Variants in MMP20 observed in about 807,000 individuals in gnomAD.
MMP20 encodes matrix metallopeptidase 20, also known as matrix metalloproteinase-20.
Under a neutral mutation model 51.8 loss-of-function variants are expected in MMP20, and 50 were observed. The ratio of observed to expected loss-of-function variants is 0.97; its 90% CI spans 0.77 to 1.22. The LOEUF (loss-of-function observed/expected upper bound fraction) is 1.22, where lower values mean the gene tolerates loss of function less well. Ranked by LOEUF, MMP20 falls within the 50% of genes most tolerant of loss-of-function variation. The pLI is 0.00. For missense variants in MMP20, 663 were observed against 601.4 expected (o/e 1.10, Z -1.07); for synonymous variants, 244 against 216.2 (o/e 1.13, Z -1.13).
At chr11:102,598,678 C>T (rs1859411231) in intron 6 of MMP20, among the ~76,000 whole-genome samples, 1 of 152,198 alleles carries the variant, frequency 6.6e-6, no homozygotes, top group South Asian at 2.1e-4. Flanking sequence ...TTTGCTAGTT[C>T]CTTGAATTCC....
At position 102,577,395 on chromosome 11, in the gene MMP20, T is replaced by G. The variant is rs145152907; in HGVS notation, c.1383A>C (p.Thr461=). The change falls in exon 10 of 10, where the codon ACA becomes ACC. Residue 461 remains threonine, a synonymous_variant. Coordinates refer to ENST00000260228, the MANE Select transcript of MMP20 (RefSeq NM_004771.4). ...GYIYFFSGPK[T]YKYDTEKEDV... is the part of the protein sequence containing the mutation. ...CTTCCTTCTCTGTGTCATACTTGTA[T>G]GTTTTTGGTCCTGAAAAGAAGTAAA... 1.2e-6 allele frequency: 2 copies of G among 1,613,946 alleles called. No individual in the cohort carries two copies. The highest frequency in any genetic ancestry group is 2.7e-5 in the African/African-American group (2 of 74,950).
chr11:102,605,839 C>T (rs926728615), intron 6 of MMP20, among the ~76,000 whole-genome samples: 1 of 152,168 alleles, frequency 6.6e-6, no homozygotes, highest in African/African-American at 2.4e-5. Context: ...TCTTTGCCTC[C>T]ATGGAAAGAA....
intron 9 of MMP20, among the ~76,000 whole-genome samples, chr11:102,578,659 C>G (rs562878056): frequency 1.3e-5 from 2 of 152,128 alleles, no homozygotes; most frequent in Non-Finnish European, 2.9e-5. Context: ...TCGCTCGAAT[C>G]TGGGAGGCAG....
Position 102,592,058 on chromosome 11 carries a change from T to C in MMP20, c.1247+1381A>G, listed in dbSNP as rs1859323602. On this transcript the variant is annotated intron_variant, in intron 8 of 9. Coordinates refer to ENST00000260228, the MANE Select transcript of MMP20 (RefSeq NM_004771.4). ...AAACGCCCTCATACTCCAACAGACGTGCTTACACATGCATCTCTTGATTTT... is the reference window on the plus strand; with the variant it reads ...AAACGCCCTCATACTCCAACAGACGCGCTTACACATGCATCTCTTGATTTT... Among the ~76,000 whole-genome samples the C allele has an allele frequency of 2.6e-5, 4 of 152,208 alleles. No individual in the cohort carries two copies. The South Asian group carries it at 8.3e-4, about 32-fold the overall frequency.
rs1269908952 is a variant in MMP20, at chr11:102,606,665, C to G, written c.823G>C (p.Val275Leu). 6.2e-7 allele frequency: 1 copy of G among 1,613,926 alleles called. No individual in the cohort carries two copies. Among genetic ancestry groups the G allele is most frequent in the Non-Finnish European group, 8.5e-7 (1 of 1,179,936 alleles). ...GGCAGAGTGGGCTTCCCCAGGAATA[C>G]TTTCCGAGGTCCTAGGATTCAAAAT... ...GIQALYGPRK[V>L]FLGKPTLPHA... Residue 275 changes from valine to leucine, a missense_variant, in exon 6 of 10, where the codon GTA (valine) becomes CTA (leucine). Coordinates refer to ENST00000260228, the MANE Select transcript of MMP20 (RefSeq NM_004771.4).
In MMP20 at chr11:102,616,963, GCTCCTTAAT is replaced by G; in HGVS notation, c.214_222del (p.Ile72_Glu74del). 1 of 1,614,192 alleles carries G rather than the reference GCTCCTTAAT, an allele frequency of 6.2e-7. No homozygotes were observed. Among genetic ancestry groups the G allele is most frequent in the South Asian group, 1.1e-5 (1 of 91,086 alleles). On this transcript the variant is annotated inframe_deletion, in exon 2 of 10. Coordinates refer to ENST00000260228, the MANE Select transcript of MMP20 (RefSeq NM_004771.4). ...ACTTGGAGGCCAAAGAACGCTTGTA[GCTCCTTAAT>G]CTTCCTTATCATGGAATTGCTTCCT... is the stretch of plus-strand genomic sequence containing the variant.
chr11:102,593,685 G>A lies in MMP20; in HGVS notation c.1091-90C>T. ...GATTTCTATGAAGGCTCTTAAATGGGGTTAGTTTATGGGATACTTGCCATG... is the reference window on the plus strand; with the variant it reads ...GATTTCTATGAAGGCTCTTAAATGGAGTTAGTTTATGGGATACTTGCCATG... On this transcript the variant is annotated intron_variant, in intron 7 of 9. Coordinates refer to ENST00000260228, the MANE Select transcript of MMP20 (RefSeq NM_004771.4). 2.1e-6 allele frequency: 3 copies of A among 1,426,960 alleles called. 1 individual carries two copies. The highest frequency in any genetic ancestry group is 2.3e-5 in the South Asian group (2 of 86,260). 88.4% of individuals were successfully genotyped at this position (1,426,960 alleles called of 1,614,324 possible).
intron 1 of MMP20, 83 bp downstream of exon 1, chr11:102,625,111 A>AT (rs1859804720): frequency 6.5e-7 from 1 of 1,547,612 alleles, no homozygotes; most frequent in Non-Finnish European, 8.9e-7. Flanking sequence ...GAACAATAGA[A>AT]TTTTTTTCTT....
chr11:102,585,634 A>G (rs1199216876), intron 8 of MMP20, among the ~76,000 whole-genome samples: 1 of 152,206 alleles, frequency 6.6e-6, no homozygotes, highest in Non-Finnish European at 1.5e-5. Context: ...GACCTCCAGT[A>G]CAATGTGAAT....
chr11:102,593,122 G>T (rs1300715591), intron 8 of MMP20, among the ~76,000 whole-genome samples: 2 of 152,182 alleles, frequency 1.3e-5, no homozygotes, highest in East Asian at 3.8e-4. Flanking sequence ...ATTCTCAGTG[G>T]GTAGTTAGGG....
At chr11:102,583,193 C>T (rs990250529) in intron 8 of MMP20, among the ~76,000 whole-genome samples, 2 of 152,128 alleles carry the variant, frequency 1.3e-5, no homozygotes, top group Admixed American at 1.3e-4. Flanking sequence ...AGGAAATGAC[C>T]CCCAACTAGT....
rs78340620 is a variant in MMP20, at chr11:102,587,075, T to C, written c.1247+6364A>G. Among the ~76,000 whole-genome samples the C allele has an allele frequency of 3.9e-3, 597 of 152,298 alleles. 17 individuals carry two copies. The East Asian group carries it at 0.065, about 17-fold the overall frequency. On this transcript the variant is annotated intron_variant, in intron 8 of 9. Transcript: ENST00000260228. Reference sequence around the variant, plus strand: ...TTGAGATTTTTCTCCTTTTTAAATATAGGCTTTTATAGCTATAATTTTTTT... The same window carrying C: ...TTGAGATTTTTCTCCTTTTTAAATACAGGCTTTTATAGCTATAATTTTTTT...
Position 102,577,487 on chromosome 11 carries a change from G to T in MMP20, c.1352-61C>A, listed in dbSNP as rs1226360446. ...ATGTCCAGCACATATATAAATGGAAGAATTTGTCACTGTCACTTTCTTAAA... is the reference window on the plus strand; with the variant it reads ...ATGTCCAGCACATATATAAATGGAATAATTTGTCACTGTCACTTTCTTAAA... On this transcript the variant is annotated intron_variant, in intron 9 of 9. Coordinates refer to ENST00000260228, the MANE Select transcript of MMP20 (RefSeq NM_004771.4). The T allele has an allele frequency of 1.6e-5, 19 of 1,167,162 alleles. No individual in the cohort carries two copies. The East Asian group carries it at 3.8e-4, about 23-fold the overall frequency. 72.3% of individuals were successfully genotyped at this position (1,167,162 alleles called of 1,614,324 possible).
rs1032180022 is a variant in MMP20, at chr11:102,610,112, A to G, written c.524-82T>C. ...GCGCATCATATTACAGAAAAGGGAC[A>G]TTTTGAGTAGCATTGACACTTAAAT... On this transcript the variant is annotated intron_variant, in intron 3 of 9. Coordinates refer to ENST00000260228, the MANE Select transcript of MMP20 (RefSeq NM_004771.4). 195 of 1,475,192 alleles carry G rather than the reference A, an allele frequency of 1.3e-4. 1 individual carries two copies. Among genetic ancestry groups the G allele is most frequent in the Non-Finnish European group, 1.7e-4 (178 of 1,067,668 alleles). The allele number at this position is 1,475,192 out of a possible 1,614,324, so 91.4% of individuals were successfully genotyped here.
chr11:102,579,205 C>T, intron 8 of MMP20, 63 bp from the exon 9 acceptor site: 2 of 1,139,476 alleles, frequency 1.8e-6, no homozygotes, highest in Admixed American at 1.8e-5. Flanking sequence ...GTAGATGACA[C>T]TATACTGGTC....
intron 8 of MMP20, among the ~76,000 whole-genome samples, chr11:102,590,154 G>A (rs1474510041): frequency 1.3e-5 from 2 of 152,160 alleles, no homozygotes; most frequent in African/African-American, 4.8e-5. Flanking sequence ...TGTAGCCACT[G>A]CTCTGCTACT....
At chr11:102,624,083 G>A (rs1483127467) in intron 1 of MMP20, among the ~76,000 whole-genome samples, 1 of 152,216 alleles carries the variant, frequency 6.6e-6, no homozygotes, top group Non-Finnish European at 1.5e-5. Flanking sequence ...GTATGGCCGG[G>A]GAACTGACCA....
intron 6 of MMP20, among the ~76,000 whole-genome samples, chr11:102,596,015 C>G (rs1238547833): frequency 6.6e-6 from 1 of 152,138 alleles, no homozygotes; most frequent in Non-Finnish European, 1.5e-5. Flanking sequence ...ATTTATGGAG[C>G]ACCTATCATC....
In MMP20 at chr11:102,616,801, G is replaced by A. The variant is rs370896953; in HGVS notation, c.374+11C>T. The A allele has an allele frequency of 2.5e-6, 4 of 1,614,036 alleles. No individual in the cohort carries two copies. The highest frequency in any genetic ancestry group is 1.3e-5 in the African/African-American group (1 of 75,054). On this transcript the variant is annotated intron_variant, in intron 2 of 9. Coordinates refer to ENST00000260228, the MANE Select transcript of MMP20 (RefSeq NM_004771.4). ...TTTTTCTCTGAATTTGGAAAGACTT[G>A]ATCTCATTACCTGTATGTCAAAGTA... is the stretch of plus-strand genomic sequence containing the variant.
Sources: gnomAD v4.1 joint callset for allele counts (sites outside exome capture counted in the v4.1 genomes callset) on GRCh38, gnomAD v4.1.1 for gene constraint, MANE v1.5 for transcripts, NCBI Gene and HGNC (gene_info 2026-07-23, HGNC 2026-07-21) for gene names.